Variants in ZNF385B observed in about 807,000 individuals in gnomAD.
ZNF385B encodes zinc finger protein 385B.
ZNF385B carries 23 observed loss-of-function variants against 39.2 expected under a neutral mutation model. That is an observed-to-expected ratio of 0.59 (90% CI 0.42 to 0.83). The LOEUF (loss-of-function observed/expected upper bound fraction) is 0.83, where lower values mean the gene tolerates loss of function less well. Among genes scored for constraint, ZNF385B ranks in the 40% least tolerant of loss-of-function variants. The pLI is 0.00. For missense variants in ZNF385B, 552 were observed against 598.9 expected (o/e 0.92, Z 0.82); for synonymous variants, 205 against 222.6 (o/e 0.92, Z 0.70).
At chr2:179,839,303 G>T (rs752190831) in intron 1 of ZNF385B, among the ~76,000 whole-genome samples, 6 of 152,160 alleles carry the variant, frequency 3.9e-5, no homozygotes, top group Non-Finnish European at 8.8e-5. Context: ...AGAGAGAACT[G>T]TGAGCAGTTG....
intron 5 of ZNF385B, among the ~76,000 whole-genome samples, chr2:179,488,526 A>G (rs2054861045): frequency 6.6e-6 from 1 of 152,212 alleles, no homozygotes; most frequent in African/African-American, 2.4e-5. Flanking sequence ...CTCACTTTGC[A>G]TGGAAAAAAC....
chr2:179,567,997 C>T (rs1365739385), intron 3 of ZNF385B, among the ~76,000 whole-genome samples: 1 of 152,164 alleles, frequency 6.6e-6, no homozygotes, highest in South Asian at 2.1e-4. Context: ...TCATGTCACT[C>T]CAGTGGAACA....
chr2:179,590,393 TGC>T (rs1687456679), intron 3 of ZNF385B, among the ~76,000 whole-genome samples: 1 of 152,210 alleles, frequency 6.6e-6, no homozygotes, highest in East Asian at 1.9e-4. Context: ...TACTTCTACC[TGC>T]GCCATTTTGC....
chr2:179,695,004 G>A lies in ZNF385B; in HGVS notation c.298+74499C>T, dbSNP rs556647771. ...AGGAGGAGGAGAAGAAAAAGAAGAAGGAGGACGTCTGTGAGCTTTGGTTTC... is the reference window on the plus strand; with the variant it reads ...AGGAGGAGGAGAAGAAAAAGAAGAAAGAGGACGTCTGTGAGCTTTGGTTTC... On this transcript the variant is annotated intron_variant, in intron 3 of 9. Transcript: ENST00000410066. Among the ~76,000 whole-genome samples, 803 of 152,084 alleles carry A rather than the reference G, an allele frequency of 5.3e-3. 6 individuals are homozygous for A. Among genetic ancestry groups the A allele is most frequent in the Non-Finnish European group, 7.5e-3 (507 of 67,942 alleles).
chr2:179,569,077 G>A (rs566073582), intron 3 of ZNF385B, among the ~76,000 whole-genome samples: 1 of 152,204 alleles, frequency 6.6e-6, no homozygotes, highest in East Asian at 1.9e-4. Context: ...AGTAAAGGAA[G>A]AACTTGCTAT....
At chr2:179,840,941 C>A (rs749532996) in intron 1 of ZNF385B, among the ~76,000 whole-genome samples, 1 of 152,218 alleles carries the variant, frequency 6.6e-6, no homozygotes, top group Admixed American at 6.5e-5. Context: ...TTAAAGAATG[C>A]TTACATGACT....
intron 6 of ZNF385B, among the ~76,000 whole-genome samples, chr2:179,473,424 C>T (rs933867054): frequency 4.6e-5 from 7 of 152,144 alleles, no homozygotes; most frequent in Admixed American, 6.5e-5. Flanking sequence ...TACCAATTTA[C>T]TGAGTGTCTG....
At chr2:179,469,492 G>C (rs1264389878) in intron 6 of ZNF385B, among the ~76,000 whole-genome samples, 1 of 152,034 alleles carries the variant, frequency 6.6e-6, no homozygotes, top group Non-Finnish European at 1.5e-5. Flanking sequence ...ACCCCTTTCT[G>C]GTAATATCTT....
chr2:179,689,637 A>C (rs944747245), intron 3 of ZNF385B, among the ~76,000 whole-genome samples: 1 of 152,118 alleles, frequency 6.6e-6, no homozygotes, highest in Non-Finnish European at 1.5e-5. Context: ...TCTAGATCGA[A>C]TATTCCCCAT....
At chr2:179,697,880 T>C (rs1698886431) in intron 3 of ZNF385B, among the ~76,000 whole-genome samples, 2 of 152,212 alleles carry the variant, frequency 1.3e-5, no homozygotes, top group Non-Finnish European at 2.9e-5. Flanking sequence ...GATGAGTTCA[T>C]GTCCTTTGTA....
At chr2:179,593,941 C>G (rs889947461) in intron 3 of ZNF385B, among the ~76,000 whole-genome samples, 4 of 152,164 alleles carry the variant, frequency 2.6e-5, no homozygotes, top group African/African-American at 9.7e-5. Flanking sequence ...TAGTCCCCTT[C>G]TCCCAATTAC....
At chr2:179,725,828 T>G (rs1242104109) in intron 3 of ZNF385B, among the ~76,000 whole-genome samples, 1 of 150,576 alleles carries the variant, frequency 6.6e-6, no homozygotes, top group East Asian at 1.9e-4. Context: ...TAGATATACA[T>G]CTCAGATATA....
At chr2:179,593,818 C>A (rs942518774) in intron 3 of ZNF385B, among the ~76,000 whole-genome samples, 4 of 152,124 alleles carry the variant, frequency 2.6e-5, no homozygotes, top group African/African-American at 9.7e-5. Context: ...AAAGGGGATG[C>A]TTATTAATAG....
Position 179,542,109 on chromosome 2 carries a change from T to C in ZNF385B, c.441+2718A>G, listed in dbSNP as rs1024573838. Among the ~76,000 whole-genome samples the C allele has an allele frequency of 6.6e-5, 10 of 152,242 alleles. 1 individual carries two copies. The highest frequency in any genetic ancestry group is 1.0e-4 in the Non-Finnish European group (7 of 67,990). Reference sequence around the variant, plus strand: ...ATGTAATAGCGTTTTCCTAGGAAAATGTGGACAATAACTTTCATGACATTC... The same window carrying C: ...ATGTAATAGCGTTTTCCTAGGAAAACGTGGACAATAACTTTCATGACATTC... On this transcript the variant is annotated intron_variant, in intron 4 of 9. Coordinates refer to ENST00000410066, the MANE Select transcript of ZNF385B (RefSeq NM_152520.6).
intron 3 of ZNF385B, among the ~76,000 whole-genome samples, chr2:179,658,306 C>A (rs1694034454): frequency 6.6e-6 from 1 of 152,182 alleles, no homozygotes; most frequent in Admixed American, 6.5e-5. Flanking sequence ...ACCAATGGCA[C>A]TGAACCTTAT....
At chr2:179,733,019 T>C (rs1175814241) in intron 3 of ZNF385B, among the ~76,000 whole-genome samples, 1 of 152,076 alleles carries the variant, frequency 6.6e-6, no homozygotes, top group Non-Finnish European at 1.5e-5. Flanking sequence ...CACTCAAAAG[T>C]AAGAAAAGTA....
intron 3 of ZNF385B, among the ~76,000 whole-genome samples, chr2:179,593,803 G>A (rs1378050214): frequency 3.9e-5 from 6 of 152,162 alleles, no homozygotes; most frequent in African/African-American, 1.4e-4. Flanking sequence ...AAAGTTTAGA[G>A]AATGAAAGGG....
At chr2:179,529,131 C>G (rs761701066) in intron 4 of ZNF385B, among the ~76,000 whole-genome samples, 2 of 152,144 alleles carry the variant, frequency 1.3e-5, no homozygotes, top group East Asian at 3.8e-4. Flanking sequence ...GAAATTCTAT[C>G]GCATAGGTGT....
At chr2:179,461,573 G>A (rs2051349872) in intron 6 of ZNF385B, among the ~76,000 whole-genome samples, 1 of 152,194 alleles carries the variant, frequency 6.6e-6, no homozygotes, top group African/African-American at 2.4e-5. Context: ...TATTTAGGAT[G>A]CTAATAAAAC....
Sources: allele counts gnomAD v4.1 joint callset (sites outside exome capture counted in the v4.1 genomes callset), GRCh38; gene constraint gnomAD v4.1.1; transcripts MANE v1.5; gene names NCBI Gene and HGNC (gene_info 2026-07-23, HGNC 2026-07-21).